The following ZNF484 variants were observed in gnomAD, a reference collection of about 807,000 sequenced individuals.
ZNF484 encodes zinc finger protein 484.
ZNF484 carries 11 observed loss-of-function variants against 12.9 expected under a neutral mutation model. That is an observed-to-expected ratio of 0.85 (90% CI 0.54 to 1.41). The LOEUF (loss-of-function observed/expected upper bound fraction) is 1.41, where lower values mean the gene tolerates loss of function less well. ZNF484 is among the 40% of genes most tolerant of loss of function. The pLI is 0.00. For missense variants in ZNF484, 807 were observed against 1,007.7 expected (o/e 0.80, Z 2.70); for synonymous variants, 289 against 334.1 (o/e 0.86, Z 1.47).
chr9:92,855,927 A>C, intron 3 of ZNF484, 24 bp from the exon 4 acceptor site: 2 of 1,611,302 alleles, frequency 1.2e-6, no homozygotes, highest in Non-Finnish European at 1.7e-6. Flanking sequence ...ATGATAGAGG[A>C]CTTGATTTCA....
rs756204451 is a variant in ZNF484 at position 92,847,738 on chromosome 9, TGAATTCTCTGGCATCTGAACA to T, written c.1028_1048del (p.Leu343_Ile349del). On this transcript the variant is annotated inframe_deletion, in exon 5 of 5. Coordinates refer to ENST00000375495, the MANE Select transcript of ZNF484 (RefSeq NM_031486.4). ...GTACTCATAAGGTTTTTCTCCAGAA[TGAATTCTCTGGCATCTGAACA>T]GATCTGACTTCTGGATAAAGGCTCT... The T allele has an allele frequency of 6.8e-6, 11 of 1,613,790 alleles. No homozygotes were observed. Among genetic ancestry groups the T allele is most frequent in the Admixed American group, 6.7e-5 (4 of 60,010 alleles).
intron 2 of ZNF484, among the ~76,000 whole-genome samples, chr9:92,874,612 T>G (rs1857682974): frequency 6.6e-6 from 1 of 152,050 alleles, no homozygotes; most frequent in Non-Finnish European, 1.5e-5. Context: ...GCGCCTGGCC[T>G]GTTAGTGCAC....
intron 1 of ZNF484, 50 bp from the exon 2 acceptor site, chr9:92,875,109 A>G (rs374016851): frequency 3.7e-4 from 574 of 1,544,282 alleles, no homozygotes; most frequent in Non-Finnish European, 4.7e-4. Flanking sequence ...AACTGTGCCA[A>G]TGTCACACAT....
At chr9:92,873,994 T>TA (rs375924489) in intron 2 of ZNF484, among the ~76,000 whole-genome samples, 1 of 152,318 alleles carries the variant, frequency 6.6e-6, no homozygotes, top group East Asian at 1.9e-4. Flanking sequence ...GGTTCAATAT[T>TA]AAAAAATCAA....
intron 2 of ZNF484, among the ~76,000 whole-genome samples, chr9:92,868,722 C>G (rs1211511836): frequency 6.6e-6 from 1 of 152,020 alleles, no homozygotes; most frequent in Non-Finnish European, 1.5e-5. Flanking sequence ...AAGCTCTTCT[C>G]AACAACCAAC....
At chr9:92,876,124 G>T (rs952945347) in intron 1 of ZNF484, among the ~76,000 whole-genome samples, 1 of 152,038 alleles carries the variant, frequency 6.6e-6, no homozygotes. Flanking sequence ...AATAATTCTT[G>T]CAAAAGATAT....
rs982672097 is a variant in ZNF484 at position 92,848,974 on chromosome 9, G to A, written c.236-423C>T. On this transcript the variant is annotated intron_variant, in intron 4 of 4. Coordinates refer to ENST00000375495, the MANE Select transcript of ZNF484 (RefSeq NM_031486.4). This position sits in a 1 kb window ranked among gnomAD's most constrained non-coding sequence, Gnocchi z 4.1. ...ATAAATAAAAATACAATAGACCTTT[G>A]ATTCAGGCCGGGTGTGGTGGCTCAC... Among the ~76,000 whole-genome samples, 1 of 150,604 alleles carries A rather than the reference G, an allele frequency of 6.6e-6. No homozygotes were observed. Among genetic ancestry groups the A allele is most frequent in the African/African-American group, 2.4e-5 (1 of 41,050 alleles).
intron 4 of ZNF484, among the ~76,000 whole-genome samples, chr9:92,852,217 G>A (rs1856134459): frequency 6.6e-6 from 1 of 152,202 alleles, no homozygotes; most frequent in Non-Finnish European, 1.5e-5. Context: ...GTTGTATGCT[G>A]CAATAGGTCA....
rs745417798 is a variant in ZNF484 at position 92,847,503 on chromosome 9, G to A, written c.1284C>T (p.Ile428=). 65 of 1,612,382 alleles carry A rather than the reference G, an allele frequency of 4.0e-5. No individual in the cohort carries two copies. The East Asian group carries it at 6.0e-4, about 15-fold the overall frequency. The change falls in exon 5 of 5, where the codon ATC becomes ATT. Residue 428 remains isoleucine (I), a synonymous_variant. Coordinates refer to ENST00000375495, the MANE Select transcript of ZNF484 (RefSeq NM_031486.4). ...GKAFIRKSHF[I]THERIHTGEK... is the part of the protein sequence containing the mutation. The stretch of plus-strand genomic sequence containing the variant: ...CTCCAGTATGAATTCTTTCATGTGT[G>A]ATAAAATGTGACTTCCGGATAAAGG...
intron 2 of ZNF484, among the ~76,000 whole-genome samples, chr9:92,873,024 C>T (rs1270582769): frequency 6.6e-6 from 1 of 152,066 alleles, no homozygotes; most frequent in East Asian, 1.9e-4. Context: ...TATGTTTAGG[C>T]TGTAACCCCT....
rs376315876 is a variant in ZNF484 at position 92,847,980 on chromosome 9, A to G, written c.807T>C (p.His269=). 4 of 1,614,054 alleles carry G rather than the reference A, an allele frequency of 2.5e-6. No individual in the cohort carries two copies. The African/African-American group carries it at 5.3e-5, about 22-fold the overall frequency. ...VFSPKSHAFA[H]ESICAEEKQH... is the part of the protein sequence containing the mutation. ...GCTTTTCTTCAGCACAAATACTCTC[A>G]TGTGCAAAGGCATGTGACTTCGGGG... The change falls in exon 5 of 5, where the codon CAT becomes CAC. Residue 269 remains histidine, a synonymous_variant. Coordinates refer to ENST00000375495, the MANE Select transcript of ZNF484 (RefSeq NM_031486.4).
rs1257340326 is a variant in ZNF484, at chr9:92,846,535, C to T, written c.2252G>A (p.Ser751Asn). 6.2e-7 allele frequency: 1 copy of T among 1,614,026 alleles called. No individual in the cohort carries two copies. Among genetic ancestry groups the T allele is most frequent in the Non-Finnish European group, 8.5e-7 (1 of 1,180,006 alleles). The change falls in exon 5 of 5, where the codon AGT becomes AAT. Residue 751 changes from serine to asparagine, a missense_variant. Coordinates refer to ENST00000375495, the MANE Select transcript of ZNF484 (RefSeq NM_031486.4). ...IHTGEKPYEC[S>N]DCGKSFIKKS... ...CTTAATGAAAGACTTGCCACAGTCA[C>T]TGCATTCATAGGGTTTCTCTCCAGT...
chr9:92,870,087 T>C (rs111483757), intron 2 of ZNF484, among the ~76,000 whole-genome samples: 3,574 of 152,218 alleles, frequency 0.023, 149 homozygotes, highest in African/African-American at 0.082. Context: ...GTTAAGTTCA[T>C]CTACAAACCA....
chr9:92,855,849 C>CATGG lies in ZNF484; in HGVS notation c.193_196dup (p.Cys66SerfsTer7). The CATGG allele has an allele frequency of 6.2e-7, 1 of 1,614,180 alleles. No individual in the cohort carries two copies. The highest frequency in any genetic ancestry group is 2.2e-5 in the East Asian group (1 of 44,878). On this transcript the variant is annotated frameshift_variant, in exon 4 of 5. Coordinates refer to ENST00000375495, the MANE Select transcript of ZNF484 (RefSeq NM_031486.4). LOFTEE classifies it low-confidence loss of function (END_TRUNC). ...ACTGGGGATCTCACCATCCAACATA[C>CATGG]ATGGCTCTTCTTGTTCCAAGCTGAA...
intron 1 of ZNF484, 142 bp from the exon 2 acceptor site, chr9:92,875,201 C>CCAT: frequency 1.6e-6 from 1 of 612,132 alleles, no homozygotes. Flanking sequence ...TCATCCCATC[C>CCAT]CATATTGTAC....
chr9:92,857,116 T>C (rs1464302380), intron 2 of ZNF484, among the ~76,000 whole-genome samples: 1 of 152,196 alleles, frequency 6.6e-6, no homozygotes, highest in East Asian at 1.9e-4. Context: ...TGCAGTAGCT[T>C]GGCAGTCCAG....
chr9:92,858,436 G>C (rs1856594104), intron 2 of ZNF484, among the ~76,000 whole-genome samples: 1 of 152,080 alleles, frequency 6.6e-6, no homozygotes, highest in Non-Finnish European at 1.5e-5. Flanking sequence ...TTAAAGAGGA[G>C]AGTGCAGGGA....
intron 2 of ZNF484, among the ~76,000 whole-genome samples, chr9:92,857,287 TGG>T (rs1298816118): frequency 1.3e-5 from 2 of 152,118 alleles, no homozygotes; most frequent in Non-Finnish European, 2.9e-5. Flanking sequence ...ACTCTGACAG[TGG>T]GAGCATTTAC....
At position 92,844,417 on chromosome 9, in the gene ZNF484, A is replaced by G. The variant is rs1462971834; in HGVS notation, c.*1811T>C. ...CACATGTGCACACACGTACACGCAC[A>G]CGTGCACACACACACCCCAAAACCA... is the stretch of plus-strand genomic sequence containing the variant. On this transcript the variant is annotated 3_prime_UTR_variant, in exon 5 of 5. Coordinates refer to ENST00000375495, the MANE Select transcript of ZNF484 (RefSeq NM_031486.4). 1.3e-5 allele frequency among the ~76,000 whole-genome samples: 2 copies of G among 152,222 alleles called. No individual in the cohort carries two copies. The highest frequency in any genetic ancestry group is 2.9e-5 in the Non-Finnish European group (2 of 68,042).
Sources: gnomAD v4.1 joint callset for allele counts (sites outside exome capture counted in the v4.1 genomes callset) on GRCh38, gnomAD v4.1.1 for gene constraint, Gnocchi (gnomAD v3.1) non-coding constraint, MANE v1.5 for transcripts, NCBI Gene and HGNC (gene_info 2026-07-23, HGNC 2026-07-21) for gene names.